Variants in TAPBP observed in about 807,000 individuals in gnomAD.
The protein encoded by TAPBP is tapasin.
In TAPBP, 38 loss-of-function variants were observed where a neutral mutation model predicts 45.7. That is an observed-to-expected ratio of 0.83 (90% CI 0.64 to 1.09). The LOEUF is 1.09. TAPBP is among the 50% of genes least tolerant of loss of function. TAPBP has a pLI of 0.00. For missense variants in TAPBP, 513 were observed against 587.3 expected (o/e 0.87, Z 1.31); for synonymous variants, 226 against 254.8 (o/e 0.89, Z 1.08).
intron 3 of TAPBP, among the ~76,000 whole-genome samples, chr6:33,307,586 G>C (rs1769063479): frequency 6.6e-6 from 1 of 151,938 alleles, no homozygotes; most frequent in Non-Finnish European, 1.5e-5. Flanking sequence ...ATTTTTGGTA[G>C]AGATGGGGTT....
At chr6:33,307,355 T>C (rs1769043251) in intron 3 of TAPBP, among the ~76,000 whole-genome samples, 1 of 150,474 alleles carries the variant, frequency 6.6e-6, no homozygotes, top group African/African-American at 2.4e-5. Flanking sequence ...AGGCATAGGC[T>C]GAAGCTATAT....
rs1181474425 is a variant in TAPBP at position 33,299,887 on chromosome 6, G to C, written c.*1873C>G. ...CGGCGCGGGGTTACAGCAGTGGACA[G>C]ACAGGCCAGTCCCTGTCCTCGAGGA... On this transcript the variant is annotated 3_prime_UTR_variant, in exon 8 of 8. Coordinates refer to ENST00000434618, the MANE Select transcript of TAPBP (RefSeq NM_003190.5). This position sits in a 1 kb window ranked among gnomAD's most constrained non-coding sequence, Gnocchi z 5.0. The C allele has an allele frequency of 2.6e-5, 4 of 152,730 alleles. No homozygotes were observed. Among genetic ancestry groups the C allele is most frequent in the Admixed American group, 6.5e-5 (1 of 15,296 alleles). 9.5% of individuals were successfully genotyped at this position (152,730 alleles called of 1,614,324 possible).
chr6:33,303,783 C>T (rs1386250136), intron 7 of TAPBP, 172 bp downstream of exon 7: 1 of 1,555,362 alleles, frequency 6.4e-7, no homozygotes. Context: ...GATTAAGTAG[C>T]ATGCTCAAAG....
chr6:33,312,400 A>G (rs1769411363), intron 3 of TAPBP, among the ~76,000 whole-genome samples: 2 of 152,106 alleles, frequency 1.3e-5, no homozygotes, highest in African/African-American at 2.4e-5. Context: ...TAAAATCCAG[A>G]TAGAAAAGCT....
chr6:33,302,144 CTTTTTT>C (rs70996762), intron 7 of TAPBP, among the ~76,000 whole-genome samples: 14 of 118,688 alleles, frequency 1.2e-4, no homozygotes, highest in Non-Finnish European at 1.9e-4. Flanking sequence ...TCTTTTCTTT[CTTTTTT>C]TTTTTTTTTT....
chr6:33,313,042 G>A lies in TAPBP; in HGVS notation c.469+175C>T. The A allele has an allele frequency of 1.5e-6, 1 of 648,336 alleles. No homozygotes were observed. The highest frequency in any genetic ancestry group is 2.4e-6 in the Non-Finnish European group (1 of 412,390). 40.2% of individuals were successfully genotyped at this position (648,336 alleles called of 1,614,324 possible). ...TGTTTTTTTTTTTTAACTGGGTGAG[G>A]GCTAGAAGGAGCGGTAGAGATTGAT... is the stretch of plus-strand genomic sequence containing the variant. On this transcript the variant is annotated intron_variant, in intron 3 of 7. Coordinates refer to ENST00000434618, the MANE Select transcript of TAPBP (RefSeq NM_003190.5). The surrounding 1 kb of genome is among the most constrained non-coding windows in gnomAD (Gnocchi z 7.2).
chr6:33,305,510 A>C lies in TAPBP; in HGVS notation c.470-123T>G. 1 of 1,076,316 alleles carries C rather than the reference A, an allele frequency of 9.3e-7. No homozygotes were observed. Among genetic ancestry groups the C allele is most frequent in the Non-Finnish European group, 1.3e-6 (1 of 776,668 alleles). 66.7% of individuals were successfully genotyped at this position (1,076,316 alleles called of 1,614,324 possible). ...GCAGTTTACCCACCCCTCAGAGGACACCTTTTCTGATACTCACCATTTCCT... is the reference window on the plus strand; with the variant it reads ...GCAGTTTACCCACCCCTCAGAGGACCCCTTTTCTGATACTCACCATTTCCT... On this transcript the variant is annotated intron_variant, in intron 3 of 7. Coordinates refer to ENST00000434618, the MANE Select transcript of TAPBP (RefSeq NM_003190.5). This position sits in a 1 kb window ranked among gnomAD's most constrained non-coding sequence, Gnocchi z 4.4.
rs771157811 is a variant in TAPBP at position 33,313,373 on chromosome 6, AT to A, written c.312del (p.Lys104AsnfsTer6). The stretch of plus-strand genomic sequence containing the variant: ...TGCGCGGGGGTCAGGCCGCTGGCCC[AT>A]TTCGCAGAGGCGGGGAGAGGCACGA... ...SRFVPLPASA[K>X]WASGLTPAQN... On this transcript the variant is annotated frameshift_variant, in exon 3 of 8. Transcript: ENST00000434618. LOFTEE classifies it high-confidence loss of function. This position sits in a 1 kb window ranked among gnomAD's most constrained non-coding sequence, Gnocchi z 7.2. The A allele has an allele frequency of 1.9e-4, 306 of 1,613,032 alleles. No individual in the cohort carries two copies. The highest frequency in any genetic ancestry group is 6.6e-4 in the Middle Eastern group (4 of 6,044).
intron 3 of TAPBP, among the ~76,000 whole-genome samples, chr6:33,309,936 C>T (rs1438457712): frequency 6.6e-6 from 1 of 151,614 alleles, no homozygotes; most frequent in East Asian, 2.0e-4. Flanking sequence ...GTTGGTCAGG[C>T]TGGTCTTGAA....
chr6:33,313,229 T>C lies in TAPBP; in HGVS notation c.457A>G (p.Thr153Ala). The C allele has an allele frequency of 6.2e-7, 1 of 1,609,542 alleles. No individual in the cohort carries two copies. Among genetic ancestry groups the C allele is most frequent in the Non-Finnish European group, 8.5e-7 (1 of 1,176,440 alleles). ...PEPQQEPVLI[T>A]MATVVLTVLT... The stretch of plus-strand genomic sequence containing the variant: ...CCTCCCCAGCTACCTGTTGCCATGG[T>C]GATGAGAACAGGCTCCTGCTGAGGC... Residue 153 changes from threonine to alanine, a missense_variant, in exon 3 of 8, where the codon ACC becomes GCC. By Grantham distance (58) the Thr-to-Ala change is moderately conservative. Coordinates refer to ENST00000434618, the MANE Select transcript of TAPBP (RefSeq NM_003190.5). The surrounding 1 kb of genome is among the most constrained non-coding windows in gnomAD (Gnocchi z 7.2).
intron 3 of TAPBP, among the ~76,000 whole-genome samples, chr6:33,309,531 C>T (rs1231488426): frequency 2.6e-5 from 4 of 151,540 alleles, no homozygotes; most frequent in Admixed American, 2.0e-4. Flanking sequence ...TAGCAAGACC[C>T]CATCTCTATT....
chr6:33,310,475 C>G (rs1285671042), intron 3 of TAPBP, among the ~76,000 whole-genome samples: 1 of 146,316 alleles, frequency 6.8e-6, no homozygotes, highest in East Asian at 2.0e-4. Flanking sequence ...CATTGCACTC[C>G]AGCCTGGGCA....
In TAPBP at chr6:33,304,394, G is replaced by A. The variant is rs1768799913; in HGVS notation, c.1113C>T (p.Val371=). ...SLSGHLQPPP[V]TTEQHGARYA... ...AGCGTGCCCCATGCTGCTCAGTGGT[G>A]ACTGGGGGCGGCTGCAAGTGCCCAG... is the stretch of plus-strand genomic sequence containing the variant. Residue 371 remains valine (V), a synonymous_variant, in exon 5 of 8, where the codon GTC becomes GTT. Transcript: ENST00000434618. 1 of 1,612,880 alleles carries A rather than the reference G, an allele frequency of 6.2e-7. No homozygotes were observed. The highest frequency in any genetic ancestry group is 8.5e-7 in the Non-Finnish European group (1 of 1,179,342).
At chr6:33,310,947 T>C (rs1769301419) in intron 3 of TAPBP, among the ~76,000 whole-genome samples, 1 of 152,208 alleles carries the variant, frequency 6.6e-6, no homozygotes, top group Non-Finnish European at 1.5e-5. Context: ...CTGGAGAGAT[T>C]TCATTTCTAA....
At chr6:33,310,505 CAAAAAAAAAAAA>C (rs9280402) in intron 3 of TAPBP, among the ~76,000 whole-genome samples, 2 of 47,822 alleles carry the variant, frequency 4.2e-5, no homozygotes, top group East Asian at 1.2e-3. Context: ...GACTCTGTCT[CAAAAAAAAAAAA>C]AAAAAAAAAA....
In TAPBP at chr6:33,313,609, C is replaced by G; in HGVS notation, c.208+85G>C. Reference sequence around the variant, plus strand: ...TCACTTTACAAAGGGGAAGCTGAGGCCTGAGGTCACTGCCGGATCTAAAGA... The same window carrying G: ...TCACTTTACAAAGGGGAAGCTGAGGGCTGAGGTCACTGCCGGATCTAAAGA... On this transcript the variant is annotated intron_variant, in intron 2 of 7. Transcript: ENST00000434618. The surrounding 1 kb of genome is among the most constrained non-coding windows in gnomAD (Gnocchi z 7.2). 4.5e-6 allele frequency: 7 copies of G among 1,551,006 alleles called. No homozygotes were observed. Among genetic ancestry groups the G allele is most frequent in the African/African-American group, 1.4e-5 (1 of 73,310 alleles).
rs772919424 is a variant in TAPBP, at chr6:33,313,417, T to C, written c.269A>G (p.His90Arg). 1.4e-5 allele frequency: 22 copies of C among 1,607,438 alleles called. No homozygotes were observed. In the Admixed American group the frequency reaches 1.7e-4, roughly 12 times the overall value. Residue 90 changes from histidine (H) to arginine (R), a missense_variant, in exon 3 of 8, where the codon CAC becomes CGC. Coordinates refer to ENST00000434618, the MANE Select transcript of TAPBP (RefSeq NM_003190.5). The surrounding 1 kb of genome is among the most constrained non-coding windows in gnomAD (Gnocchi z 7.2). ...AGGCACGAAGCGGCTCATCTCGCAG[T>C]GTGGTGCGGGGGCGCCCCGGGGATA... is the stretch of plus-strand genomic sequence containing the variant. ...RRYPRGAPAP[H>R]CEMSRFVPLP...
At position 33,305,027 on chromosome 6, in the gene TAPBP, T is replaced by C; in HGVS notation, c.830A>G (p.Tyr277Cys). The change falls in exon 4 of 8, where the codon TAC (tyrosine) becomes TGC (cysteine). Residue 277 changes from tyrosine (Y) to cysteine (C), a missense_variant. By Grantham distance (194) the Tyr-to-Cys change is radical. Coordinates refer to ENST00000434618, the MANE Select transcript of TAPBP (RefSeq NM_003190.5). This position sits in a 1 kb window ranked among gnomAD's most constrained non-coding sequence, Gnocchi z 4.4. ...GTYLATIHLP[Y>C]LQGQVTLELA... is the part of the protein sequence containing the mutation. ...CTCCAGGGTGACCTGTCCTTGCAGG[T>C]ATGGCAGGTGTATGGTGGCCAGATA... 6.2e-7 allele frequency: 1 copy of C among 1,614,160 alleles called. No homozygotes were observed. The highest frequency in any genetic ancestry group is 1.3e-5 in the African/African-American group (1 of 75,042).
chr6:33,304,040 G>C, intron 6 of TAPBP, 51 bp from the exon 7 acceptor site: 1 of 1,612,994 alleles, frequency 6.2e-7, no homozygotes, highest in Non-Finnish European at 8.5e-7. Flanking sequence ...TAGAGGTGGA[G>C]GGCAGAGGGA....
Sources: gnomAD v4.1 joint callset for allele counts (sites outside exome capture counted in the v4.1 genomes callset) on GRCh38, gnomAD v4.1.1 for gene constraint, Gnocchi (gnomAD v3.1) non-coding constraint, MANE v1.5 for transcripts, NCBI Gene and HGNC (gene_info 2026-07-23, HGNC 2026-07-21) for gene names.